TAF5L: variants seen among roughly 807,000 people sequenced by gnomAD.
TAF5L encodes the protein TATA-box binding protein associated factor 5 like, also known as TAF5-like RNA polymerase II p300/CBP-associated factor-associated factor 65 kDa subunit 5L.
In TAF5L, 7 loss-of-function variants were observed where a neutral mutation model predicts 51.3. The ratio of observed to expected loss-of-function variants is 0.14; its 90% CI spans 0.08 to 0.26. TAF5L has a LOEUF of 0.26. TAF5L is among the 10% of genes least tolerant of loss of function. TAF5L has a pLI of 1.00. For synonymous variants in TAF5L, 291 were observed against 308.1 expected (o/e 0.94, Z 0.58); for missense variants, 575 against 758.9 (o/e 0.76, Z 2.85).
chr1:229,595,133 C>T, intron 4 of TAF5L, 39 bp from the exon 5 acceptor site: 1 of 1,527,708 alleles, frequency 6.5e-7, no homozygotes. Flanking sequence ...GAAACACACA[C>T]AAAAAATGTT....
intron 1 of TAF5L, among the ~76,000 whole-genome samples, chr1:229,621,272 A>T (rs1023971312): frequency 4.6e-5 from 7 of 152,220 alleles, no homozygotes; most frequent in African/African-American, 1.4e-4. Flanking sequence ...ATCTTGGCTT[A>T]AAAAAGTTAA....
intron 3 of TAF5L, chr1:229,606,864 A>C (rs1664613061): frequency 2.0e-6 from 2 of 985,442 alleles, no homozygotes; most frequent in South Asian, 4.7e-5. Context: ...AGAATCTCTC[A>C]TCTACAGACA....
intron 2 of TAF5L, among the ~76,000 whole-genome samples, chr1:229,611,548 G>C (rs1239443772): frequency 6.6e-6 from 1 of 152,094 alleles, no homozygotes; most frequent in Non-Finnish European, 1.5e-5. Flanking sequence ...TCAGAAGAGA[G>C]GACCTGCTGC....
In TAF5L at chr1:229,602,684, G is replaced by C; in HGVS notation, c.483C>G (p.Asn161Lys). The change falls in exon 4 of 5, where the codon AAC (asparagine) becomes AAG (lysine). Residue 161 changes from asparagine to lysine, a missense_variant. Asn to Lys is a moderately conservative substitution (Grantham distance 94, BLOSUM62 0). Transcript: ENST00000258281. This position sits in a 1 kb window ranked among gnomAD's most constrained non-coding sequence, Gnocchi z 4.6. ...CTTCTTGGAGACGGACCACGTACTTGTTATCTAGGAATGCTCGAAGCTTGA... is the reference window on the plus strand; with the variant it reads ...CTTCTTGGAGACGGACCACGTACTTCTTATCTAGGAATGCTCGAAGCTTGA... 1 of 1,614,190 alleles carries C rather than the reference G, an allele frequency of 6.2e-7. No homozygotes were observed. The highest frequency in any genetic ancestry group is 8.5e-7 in the Non-Finnish European group (1 of 1,180,038).
In TAF5L at chr1:229,606,221, A is replaced by G. The variant is rs1274275352; in HGVS notation, c.248-3302T>C. ...GGGTATAAAACAAAAAAACTGATCA[A>G]TTTGGAAGAAGGTGAGATTCAGAAT... On this transcript the variant is annotated intron_variant, in intron 3 of 4. Transcript: ENST00000258281. The G allele has an allele frequency of 1.7e-5, 17 of 974,592 alleles. No individual in the cohort carries two copies. The Admixed American group carries it at 2.5e-4, about 14-fold the overall frequency. 60.4% of individuals were successfully genotyped at this position (974,592 alleles called of 1,614,324 possible). A position where few individuals can be genotyped will look rare whatever the true frequency, so the allele number is the denominator to read the frequency against.
intron 1 of TAF5L, among the ~76,000 whole-genome samples, chr1:229,622,360 C>A (rs1197845236): frequency 6.6e-6 from 1 of 152,034 alleles, no homozygotes; most frequent in Non-Finnish European, 1.5e-5. Context: ...AACAGGGGAG[C>A]CCCAAACATG....
At chr1:229,608,368 A>C (rs761399956) in intron 3 of TAF5L, among the ~76,000 whole-genome samples, 51 of 152,224 alleles carry the variant, frequency 3.4e-4, no homozygotes, top group Non-Finnish European at 6.2e-4. Context: ...AATCATGAAA[A>C]TTAAGGCTTT....
intron 4 of TAF5L, chr1:229,600,518 G>T: frequency 1.0e-6 from 1 of 985,412 alleles, no homozygotes; most frequent in Non-Finnish European, 1.2e-6. Flanking sequence ...ATCCCCTACA[G>T]TAATTGAATA....
rs150809343 is a variant in TAF5L at position 229,602,802 on chromosome 1, C to T, written c.365G>A (p.Arg122His). 2.6e-5 allele frequency: 42 copies of T among 1,613,742 alleles called. 1 individual carries two copies. The highest frequency in any genetic ancestry group is 1.6e-4 in the Middle Eastern group (1 of 6,084). The change falls in exon 4 of 5, where the codon CGC becomes CAC. Residue 122 changes from arginine (R) to histidine (H), a missense_variant. Coordinates refer to ENST00000258281, the Ensembl canonical transcript of TAF5L. The surrounding 1 kb of genome is among the most constrained non-coding windows in gnomAD (Gnocchi z 4.6). The stretch of plus-strand genomic sequence containing the variant: ...ATTCTGCAGAAACATTCCATGGAAG[C>T]GGCTGTAAAAACTTTCCACTGTGCT...
At chr1:229,623,972 C>T (rs922507232) in intron 1 of TAF5L, among the ~76,000 whole-genome samples, 1 of 152,176 alleles carries the variant, frequency 6.6e-6, no homozygotes, top group Non-Finnish European at 1.5e-5. Flanking sequence ...AGAACACTTA[C>T]TACCTGAGAA....
At chr1:229,595,009 T>C (rs1394685933) in exon 5 of TAF5L, 1 of 1,614,172 alleles carries the variant, frequency 6.2e-7, no homozygotes, top group Non-Finnish European at 8.5e-7. Context: ...CCCTGAGCTG[T>C]CCGCGAGGAA....
intron 3 of TAF5L, chr1:229,607,898 T>C (rs1036532307): frequency 1.3e-5 from 2 of 152,160 alleles, no homozygotes; most frequent in African/African-American, 2.4e-5. Context: ...TATTAACCCC[T>C]TTAAAATAAT....
intron 4 of TAF5L, among the ~76,000 whole-genome samples, chr1:229,597,283 T>C (rs753383429): frequency 2.0e-5 from 3 of 152,248 alleles, no homozygotes; most frequent in Admixed American, 6.5e-5. Flanking sequence ...GCTATGGAAG[T>C]GGCCTTCACC....
At position 229,602,054 on chromosome 1, in the gene TAF5L, C is replaced by CA; in HGVS notation, c.972+140dup. 6.7e-7 allele frequency: 1 copy of CA among 1,484,754 alleles called. No homozygotes were observed. Among genetic ancestry groups the CA allele is most frequent in the South Asian group, 1.4e-5 (1 of 70,288 alleles). 92.0% of individuals were successfully genotyped at this position (1,484,754 alleles called of 1,614,324 possible). ...GGCATGTGCAGGAATTCAATGGCTA[C>CA]AGGTAACATGTCATTAGTCTGGCTT... is the stretch of plus-strand genomic sequence containing the variant. On this transcript the variant is annotated intron_variant, in intron 4 of 4. Transcript: ENST00000258281. This position sits in a 1 kb window ranked among gnomAD's most constrained non-coding sequence, Gnocchi z 4.6.
intron 1 of TAF5L, among the ~76,000 whole-genome samples, chr1:229,617,608 G>C (rs1164124276): frequency 6.6e-6 from 1 of 152,204 alleles, no homozygotes; most frequent in Non-Finnish European, 1.5e-5. Flanking sequence ...CTCTGCATGT[G>C]AAAGACATGT....
chr1:229,599,281 T>TA (rs1170103123), intron 4 of TAF5L: 2 of 808,432 alleles, frequency 2.5e-6, no homozygotes, highest in African/African-American at 3.7e-5. Context: ...TCCTGTTTTT[T>TA]TTTTTAAACT....
At chr1:229,606,407 T>C (rs1664597673) in intron 3 of TAF5L, 2 of 984,136 alleles carry the variant, frequency 2.0e-6, no homozygotes, top group South Asian at 4.7e-5. Context: ...TGAAATGTAA[T>C]GAATGCCTAC....
Position 229,602,689 on chromosome 1 carries a change from C to G in TAF5L, c.478G>C (p.Asp160His), listed in dbSNP as rs746884031. ...TGGAGACGGACCACGTACTTGTTAT[C>G]TAGGAATGCTCGAAGCTTGAAGTTA... Residue 160 changes from aspartate (D) to histidine (H), a missense_variant, in exon 4 of 5, where the codon GAT becomes CAT. Around this residue, in one of 3 missense-constraint regions of TAF5L, gnomAD observed 380 missense variants for 443.7 expected, o/e 0.86. Transcript: ENST00000258281. This position sits in a 1 kb window ranked among gnomAD's most constrained non-coding sequence, Gnocchi z 4.6. The G allele has an allele frequency of 3.1e-6, 5 of 1,614,108 alleles. No homozygotes were observed. The Admixed American group carries it at 6.7e-5, about 22-fold the overall frequency.
intron 1 of TAF5L, among the ~76,000 whole-genome samples, chr1:229,616,375 T>TTA (rs1553271736): frequency 2.0e-5 from 3 of 148,206 alleles, no homozygotes; most frequent in South Asian, 4.2e-4. Flanking sequence ...TTTATTTATA[T>TTA]TTTTTTTTTT....
Sources: allele counts gnomAD v4.1 joint callset (sites outside exome capture counted in the v4.1 genomes callset), GRCh38; gene constraint gnomAD v4.1.1; regional missense constraint gnomAD v4.1.1; non-coding constraint Gnocchi (gnomAD v3.1); transcripts MANE v1.5; gene names NCBI Gene and HGNC (gene_info 2026-07-23, HGNC 2026-07-21).